Variants in CRYBG1 observed in about 807,000 individuals in gnomAD.
CRYBG1 encodes the protein beta/gamma crystallin domain-containing protein 1.
A neutral mutation model predicts 189.2 loss-of-function variants in CRYBG1; 139 were observed. That is an observed-to-expected ratio of 0.73 (90% confidence interval 0.64 to 0.85). CRYBG1 has a LOEUF of 0.85. Ranked by LOEUF, CRYBG1 falls within the 40% of genes least tolerant of loss-of-function variation. The pLI is 0.00. For synonymous variants in CRYBG1, 1,023 were observed against 1,017.1 expected (o/e 1.01, Z -0.11); for missense variants, 2,611 against 2,675.8 (o/e 0.98, Z 0.53).
intron 3 of CRYBG1, among the ~76,000 whole-genome samples, chr6:106,515,868 C>T (rs1773407018): frequency 6.6e-6 from 1 of 151,550 alleles, no homozygotes; most frequent in Non-Finnish European, 1.5e-5. Context: ...TCATGGCTCA[C>T]TGCAGTCTCG....
chr6:106,390,596 G>A (rs1023609742), intron 1 of CRYBG1, among the ~76,000 whole-genome samples: 1 of 117,462 alleles, frequency 8.5e-6, no homozygotes, highest in South Asian at 3.4e-4. Flanking sequence ...CTCCCCCTAC[G>A]CCCCGTCATG....
intron 3 of CRYBG1, among the ~76,000 whole-genome samples, chr6:106,515,108 T>A (rs949607745): frequency 6.6e-6 from 1 of 152,248 alleles, no homozygotes; most frequent in Non-Finnish European, 1.5e-5. Context: ...TGTTCCTTTA[T>A]GCTGTTAGAA....
chr6:106,376,122 T>C (rs992312461), intron 1 of CRYBG1, among the ~76,000 whole-genome samples: 2 of 152,352 alleles, frequency 1.3e-5, no homozygotes, highest in East Asian at 3.9e-4. Flanking sequence ...CCTCACTATT[T>C]ATGGATAACA....
chr6:106,510,795 GGT>G (rs2114521626), intron 2 of CRYBG1, among the ~76,000 whole-genome samples: 1 of 152,342 alleles, frequency 6.6e-6, no homozygotes, highest in Admixed American at 6.5e-5. Flanking sequence ...GGATCACTCG[GGT>G]GTTTGAACGC....
chr6:106,552,402 A>G (rs552683946), intron 15 of CRYBG1, 186 bp downstream of exon 15: 96 of 314,468 alleles, frequency 3.1e-4, no homozygotes, highest in African/African-American at 2.0e-3. Flanking sequence ...CCTGACCAAC[A>G]TGGGGAAACC....
chr6:106,385,457 T>A (rs73763930), intron 1 of CRYBG1, among the ~76,000 whole-genome samples: 2,975 of 152,272 alleles, frequency 0.02, 96 homozygotes, highest in African/African-American at 0.067. Context: ...AGCCATCCAG[T>A]CATGGCAGCT....
chr6:106,418,820 G>T (rs920501250), intron 1 of CRYBG1, among the ~76,000 whole-genome samples: 5 of 152,232 alleles, frequency 3.3e-5, no homozygotes, highest in African/African-American at 9.6e-5. Flanking sequence ...GAAAGACAGA[G>T]AAAAGAGAAT....
intron 1 of CRYBG1, among the ~76,000 whole-genome samples, chr6:106,442,004 C>T (rs570660809): frequency 9.2e-5 from 14 of 152,092 alleles, no homozygotes; most frequent in African/African-American, 3.4e-4. Flanking sequence ...TGCAAGTAAC[C>T]TTTAAAGACT....
chr6:106,547,207 CA>C lies in CRYBG1; in HGVS notation c.5312+2275del, dbSNP rs1774284340. On this transcript the variant is annotated intron_variant, in intron 13 of 21. Transcript: ENST00000633556. Reference sequence around the variant, plus strand: ...ACGTGGACACACACACACACACACACACACACCACTTCCTTTGAAATTCTTT... The same window carrying C: ...ACGTGGACACACACACACACACACACCACACCACTTCCTTTGAAATTCTTT... Among the ~76,000 whole-genome samples, 10 of 23,780 alleles carry C rather than the reference CA, an allele frequency of 4.2e-4. No homozygotes were observed. In the South Asian group the frequency reaches 0.012, roughly 28 times the overall value. 15.6% of individuals were successfully genotyped at this position (23,780 alleles called of 152,430 possible). A position where few individuals can be genotyped will look rare whatever the true frequency, so the allele number is the denominator to read the frequency against.
At chr6:106,443,811 C>G (rs1771608747) in intron 1 of CRYBG1, among the ~76,000 whole-genome samples, 1 of 152,010 alleles carries the variant, frequency 6.6e-6, no homozygotes, top group South Asian at 2.1e-4. Context: ...ATAATTGCAT[C>G]AGGGTAAATG....
intron 1 of CRYBG1, among the ~76,000 whole-genome samples, chr6:106,445,473 C>A (rs965890083): frequency 6.6e-6 from 1 of 152,302 alleles, no homozygotes; most frequent in Admixed American, 6.5e-5. Flanking sequence ...ATTCTCCTTT[C>A]ATATCTGAGC....
Position 106,553,529 on chromosome 6 carries a change from T to C in CRYBG1, c.5547T>C (p.Asp1849=). The stretch of plus-strand genomic sequence containing the variant: ...AAGAAACAACAAGTCAAATTGATGA[T>C]TCATTTTCTACCAAGTCTTGCAGAG... The part of the protein sequence containing the change: ...SFEETTSQID[D]SFSTKSCRVS... Residue 1849 remains aspartate, a synonymous_variant, in exon 16 of 22, where the codon GAT becomes GAC. Coordinates refer to ENST00000633556, the MANE Select transcript of CRYBG1 (RefSeq NM_001371242.2). 1 of 1,613,920 alleles carries C rather than the reference T, an allele frequency of 6.2e-7. No homozygotes were observed. Among genetic ancestry groups the C allele is most frequent in the Non-Finnish European group, 8.5e-7 (1 of 1,179,756 alleles).
At chr6:106,538,539 CTG>C (rs953430914) in intron 8 of CRYBG1, among the ~76,000 whole-genome samples, 26 of 152,260 alleles carry the variant, frequency 1.7e-4, no homozygotes, top group South Asian at 1.0e-3. Context: ...TCCTGAGTAA[CTG>C]TGAAAAGAGT....
intron 1 of CRYBG1, among the ~76,000 whole-genome samples, chr6:106,448,379 GA>G (rs1771710451): frequency 6.6e-6 from 1 of 152,144 alleles, no homozygotes; most frequent in African/African-American, 2.4e-5. Flanking sequence ...GCCGTCCCTG[GA>G]ACTGTCTGTG....
At position 106,520,072 on chromosome 6, in the gene CRYBG1, T is replaced by C. The variant is rs371699966; in HGVS notation, c.2864T>C (p.Val955Ala). Reference sequence around the variant, plus strand: ...AGTGAGTGTCCATCCAGAGTCCTCGTCCAGGTCAGGTCCTTCGTGCTCCCC... The same window carrying C: ...AGTGAGTGTCCATCCAGAGTCCTCGCCCAGGTCAGGTCCTTCGTGCTCCCC... Reference protein sequence around the residue: ...VGSECPSRVLVQVRSFVLPVE... With the variant: ...VGSECPSRVLAQVRSFVLPVE... Residue 955 changes from valine (V) to alanine (A), a missense_variant, in exon 4 of 22, where the codon GTC becomes GCC. This residue lies in a region of CRYBG1 where 1,622 missense variants were observed against 1,735.0 expected (regional missense o/e 0.93). Transcript: ENST00000633556. 1 of 1,614,044 alleles carries C rather than the reference T, an allele frequency of 6.2e-7. No individual in the cohort carries two copies. The highest frequency in any genetic ancestry group is 8.5e-7 in the Non-Finnish European group (1 of 1,180,038).
At chr6:106,483,378 G>GTGTGTATATATATA (rs1347885031) in intron 2 of CRYBG1, among the ~76,000 whole-genome samples, 3 of 113,814 alleles carry the variant, frequency 2.6e-5, no homozygotes, top group African/African-American at 8.1e-5. Flanking sequence ...GTGTGTGTGT[G>GTGTGTATATATATA]TATATATATA....
intron 13 of CRYBG1, among the ~76,000 whole-genome samples, chr6:106,546,048 A>G (rs944728613): frequency 1.3e-5 from 2 of 152,170 alleles, no homozygotes; most frequent in Non-Finnish European, 2.9e-5. Context: ...TTGCTTTCCT[A>G]GGCTTGGGTC....
At chr6:106,399,257 A>G (rs1770672013) in intron 1 of CRYBG1, among the ~76,000 whole-genome samples, 1 of 152,210 alleles carries the variant, frequency 6.6e-6, no homozygotes, top group Admixed American at 6.5e-5. Flanking sequence ...AAGCCACTAA[A>G]TCCAACAGTA....
chr6:106,487,895 A>G (rs1047044792), intron 2 of CRYBG1, among the ~76,000 whole-genome samples: 1 of 152,102 alleles, frequency 6.6e-6, no homozygotes, highest in Non-Finnish European at 1.5e-5. Flanking sequence ...TTGTGTCCCT[A>G]CATTGATATC....
Sources: allele counts gnomAD v4.1 joint callset (sites outside exome capture counted in the v4.1 genomes callset), GRCh38; gene constraint gnomAD v4.1.1; regional missense constraint gnomAD v4.1.1; transcripts MANE v1.5; gene names NCBI Gene and HGNC (gene_info 2026-07-23, HGNC 2026-07-21).